The following RBFOX1 variants were observed in gnomAD, a reference collection of about 807,000 sequenced individuals.
RBFOX1 encodes the protein RNA binding protein fox-1 homolog 1.
Under a neutral mutation model 57.7 loss-of-function variants are expected in RBFOX1, and 8 were observed. The ratio of observed to expected loss-of-function variants is 0.14; its 90% CI spans 0.08 to 0.25. RBFOX1 has a LOEUF of 0.25. Among genes scored for constraint, RBFOX1 ranks in the 10% least tolerant of loss-of-function variants. The pLI is 1.00. For missense variants in RBFOX1, 611 were observed against 548.5 expected (o/e 1.11, Z -1.14); for synonymous variants, 326 against 222.4 (o/e 1.47, Z -4.15).
At chr16:6,278,867 T>G (rs1245911226) in intron 1 of RBFOX1, among the ~76,000 whole-genome samples, 1 of 152,228 alleles carries the variant, frequency 6.6e-6, no homozygotes, top group Non-Finnish European at 1.5e-5. Context: ...ATTCTTGATC[T>G]TAAATCTTAA....
chr16:5,760,449 T>C (rs2151642780), intron 3 of RBFOX1, among the ~76,000 whole-genome samples: 1 of 152,288 alleles, frequency 6.6e-6, no homozygotes, highest in African/African-American at 2.4e-5. Flanking sequence ...TTCAATTACA[T>C]GTCCATATAC....
At chr16:7,189,586 CAT>C (rs1491360198) in intron 4 of RBFOX1, among the ~76,000 whole-genome samples, 1,624 of 145,982 alleles carry the variant, frequency 0.011, 33 homozygotes, top group African/African-American at 0.04. Flanking sequence ...CACACACACA[CAT>C]ACACACACAA....
At chr16:5,463,806 A>C (rs570219734) in intron 1 of RBFOX1, among the ~76,000 whole-genome samples, 1 of 152,124 alleles carries the variant, frequency 6.6e-6, no homozygotes, top group Non-Finnish European at 1.5e-5. Context: ...TCGAAAAAAA[A>C]AAAAAAGAAA....
At chr16:6,964,198 T>C (rs765959132) in intron 3 of RBFOX1, among the ~76,000 whole-genome samples, 1 of 152,060 alleles carries the variant, frequency 6.6e-6, no homozygotes, top group Non-Finnish European at 1.5e-5. Context: ...TTGTATTTTT[T>C]AGTAGAGATG....
intron 4 of RBFOX1, among the ~76,000 whole-genome samples, chr16:7,513,328 G>C (rs2075633766): frequency 6.6e-6 from 1 of 152,116 alleles, no homozygotes; most frequent in Non-Finnish European, 1.5e-5. Context: ...CCCACCAGGT[G>C]ATTCTCTTGC....
At chr16:6,739,927 C>T (rs1180277252) in intron 3 of RBFOX1, among the ~76,000 whole-genome samples, 2 of 152,108 alleles carry the variant, frequency 1.3e-5, no homozygotes, top group Admixed American at 1.3e-4. Context: ...GAAGCCATTA[C>T]ACTCTGGTCA....
chr16:6,225,327 C>T (rs1025743725), intron 1 of RBFOX1, among the ~76,000 whole-genome samples: 7 of 152,070 alleles, frequency 4.6e-5, no homozygotes, highest in African/African-American at 1.7e-4. Flanking sequence ...CTATAACTTG[C>T]GTATCTTCTA....
chr16:7,516,872 T>C (rs2152137018), intron 4 of RBFOX1, among the ~76,000 whole-genome samples: 1 of 152,270 alleles, frequency 6.6e-6, no homozygotes, highest in Middle Eastern at 3.4e-3. Context: ...CATCATGTTT[T>C]TGCTGCACTC....
At position 6,252,608 on chromosome 16, in the gene RBFOX1, G is replaced by GTGTTTTGTTT. The variant is rs56211071; in HGVS notation, c.-126-64365_-126-64356dup. Among the ~76,000 whole-genome samples the GTGTTTTGTTT allele has an allele frequency of 5.7e-3, 858 of 150,326 alleles. 7 individuals are homozygous for GTGTTTTGTTT. Among genetic ancestry groups the GTGTTTTGTTT allele is most frequent in the East Asian group, 0.012 (60 of 5,012 alleles). On this transcript the variant is annotated intron_variant, in intron 1 of 15. Coordinates refer to ENST00000550418, the MANE Select transcript of RBFOX1 (RefSeq NM_018723.4). The stretch of plus-strand genomic sequence containing the variant: ...GATCTGCTTTCGTTTCCATGCCAAG[G>GTGTTTTGTTT]TGTTTTGTTTTGTTTTGTTTTGTTT...
chr16:5,836,018 T>C lies in RBFOX1; in HGVS notation c.319-31285T>C, dbSNP rs1369930950. 1.3e-5 allele frequency among the ~76,000 whole-genome samples: 2 copies of C among 152,078 alleles called. 1 individual carries two copies. Among genetic ancestry groups the C allele is most frequent in the Non-Finnish European group, 2.9e-5 (2 of 68,016 alleles). On this transcript the variant is annotated intron_variant, in intron 3 of 19. Coordinates refer to the RBFOX1 transcript ENST00000641259. ...TTGGAGGGAGGCTCTGGGCCTGGAG[T>C]TGAGAACTCAGATTAGTCCCTGCCA...
intron 2 of RBFOX1, among the ~76,000 whole-genome samples, chr16:6,527,328 A>T (rs780678024): frequency 6.6e-6 from 1 of 151,590 alleles, no homozygotes; most frequent in African/African-American, 2.4e-5. Context: ...AGGGGTGTGT[A>T]TGTGTGTGTA....
At chr16:6,565,602 G>A (rs1346189803) in intron 2 of RBFOX1, among the ~76,000 whole-genome samples, 1 of 151,556 alleles carries the variant, frequency 6.6e-6, no homozygotes, top group Admixed American at 6.6e-5. Flanking sequence ...CAAGTAGCTG[G>A]AACTACAGGA....
chr16:5,474,193 A>C (rs887623580), intron 2 of RBFOX1, among the ~76,000 whole-genome samples: 4 of 152,206 alleles, frequency 2.6e-5, no homozygotes, highest in African/African-American at 9.7e-5. Flanking sequence ...ATTCAACTAC[A>C]GCATTAGCCA....
At chr16:7,256,044 C>G (rs2094667207) in intron 4 of RBFOX1, among the ~76,000 whole-genome samples, 1 of 152,204 alleles carries the variant, frequency 6.6e-6, no homozygotes. Flanking sequence ...TGAATACATA[C>G]TGCCTTTGTA....
intron 4 of RBFOX1, among the ~76,000 whole-genome samples, chr16:6,003,450 A>C (rs1195121739): frequency 6.6e-6 from 1 of 151,822 alleles, no homozygotes; most frequent in Non-Finnish European, 1.5e-5. Flanking sequence ...TTTGGTGACT[A>C]CTTCTCGCCA....
intron 2 of RBFOX1, chr16:6,483,289 G>C: frequency 7.2e-7 from 1 of 1,384,326 alleles, no homozygotes; most frequent in Non-Finnish European, 9.3e-7. Context: ...CCTTGCACGG[G>C]CTGCTCGCTC....
chr16:6,480,057 A>AC (rs2095348428), intron 2 of RBFOX1, among the ~76,000 whole-genome samples: 1 of 151,750 alleles, frequency 6.6e-6, no homozygotes, highest in Non-Finnish European at 1.5e-5. Context: ...CTCGAAAAAA[A>AC]AAAAAAAAAA....
intron 2 of RBFOX1, among the ~76,000 whole-genome samples, chr16:6,387,032 G>T (rs2092331098): frequency 6.6e-6 from 1 of 152,186 alleles, no homozygotes; most frequent in Non-Finnish European, 1.5e-5. Context: ...ATAGGTTCTG[G>T]AGAGGAACTT....
intron 3 of RBFOX1, among the ~76,000 whole-genome samples, chr16:6,839,966 T>C (rs1352988683): frequency 6.6e-6 from 1 of 152,220 alleles, no homozygotes; most frequent in Non-Finnish European, 1.5e-5. Flanking sequence ...TCCTGTTTTC[T>C]TTTTAAAATA....
Sources: allele counts gnomAD v4.1 joint callset (sites outside exome capture counted in the v4.1 genomes callset), GRCh38; gene constraint gnomAD v4.1.1; transcripts MANE v1.5; gene names NCBI Gene and HGNC (gene_info 2026-07-23, HGNC 2026-07-21).